Variants in ANKRD36 observed in about 807,000 individuals in gnomAD.
The protein encoded by ANKRD36 is ankyrin repeat domain-containing protein 36A.
A neutral mutation model predicts 278.1 loss-of-function variants in ANKRD36; 179 were observed. That is an observed-to-expected ratio of 0.64 (90% CI 0.57 to 0.73). The LOEUF (loss-of-function observed/expected upper bound fraction) is 0.73, where lower values mean the gene tolerates loss of function less well. Ranked by LOEUF, ANKRD36 falls within the 30% of genes least tolerant of loss-of-function variation. ANKRD36 has a pLI of 0.00. For missense variants in ANKRD36, 1,159 were observed against 1,956.7 expected (o/e 0.59, Z 7.69); for synonymous variants, 320 against 641.1 (o/e 0.50, Z 7.57).
In ANKRD36 at chr2:97,138,283, C is replaced by T. The variant is rs552889992; in HGVS notation, c.800-4357C>T. Among the ~76,000 whole-genome samples the T allele has an allele frequency of 4.5e-4, 68 of 152,192 alleles. 2 individuals are homozygous for T. In the South Asian group the frequency reaches 0.014, roughly 30 times the overall value. ...AAAGTCAATGTGCAAAATTCACAAGCATTCCTATACACCAGTAATAGAGCA... is the reference window on the plus strand; with the variant it reads ...AAAGTCAATGTGCAAAATTCACAAGTATTCCTATACACCAGTAATAGAGCA... On this transcript the variant is annotated intron_variant, in intron 6 of 75. Transcript: ENST00000420699.
At chr2:97,120,873 A>G (rs555095576) in intron 3 of ANKRD36, among the ~76,000 whole-genome samples, 1 of 152,216 alleles carries the variant, frequency 6.6e-6, no homozygotes, top group Non-Finnish European at 1.5e-5. Context: ...ACTCGTGCAC[A>G]GATCTGGATT....
chr2:97,232,152 ATTAT>A (rs1283432116), intron 67 of ANKRD36, among the ~76,000 whole-genome samples: 1 of 152,082 alleles, frequency 6.6e-6, no homozygotes, highest in Non-Finnish European at 1.5e-5. Context: ...TTAAACTTTA[ATTAT>A]TTTAAAATTT....
At chr2:97,232,225 C>G (rs1379289426) in intron 67 of ANKRD36, among the ~76,000 whole-genome samples, 9 of 151,350 alleles carry the variant, frequency 5.9e-5, no homozygotes, top group Non-Finnish European at 1.3e-4. Context: ...TGTACTCTGA[C>G]AGAAAAGACA....
intron 50 of ANKRD36, 104 bp from the exon 51 acceptor site, chr2:97,205,836 T>C: frequency 7.2e-7 from 1 of 1,398,020 alleles, no homozygotes; most frequent in Non-Finnish European, 9.8e-7. Flanking sequence ...AAGCCTATGC[T>C]AATACAGGCA....
intron 24 of ANKRD36, among the ~76,000 whole-genome samples, chr2:97,181,377 A>T (rs1318057878): frequency 2.0e-5 from 3 of 151,492 alleles, no homozygotes; most frequent in African/African-American, 7.3e-5. Context: ...ATCACGAATC[A>T]TACCATGTTT....
At chr2:97,161,608 A>G (rs1300392616) in intron 17 of ANKRD36, among the ~76,000 whole-genome samples, 1 of 152,194 alleles carries the variant, frequency 6.6e-6, no homozygotes, top group Non-Finnish European at 1.5e-5. Context: ...ATTCTAGCAT[A>G]ACACTTATTT....
chr2:97,222,533 G>T (rs1223561605), intron 66 of ANKRD36, among the ~76,000 whole-genome samples: 4 of 152,104 alleles, frequency 2.6e-5, no homozygotes, highest in Admixed American at 1.3e-4. Flanking sequence ...ACTGAGGTGA[G>T]ACGATACCTC....
In ANKRD36 at chr2:97,147,158, A is replaced by G. The variant is rs532582331; in HGVS notation, c.1034+642A>G. Among the ~76,000 whole-genome samples, 13 of 152,010 alleles carry G rather than the reference A, an allele frequency of 8.6e-5. 2 individuals carry two copies. In the South Asian group the frequency reaches 2.7e-3, roughly 32 times the overall value. The stretch of plus-strand genomic sequence containing the variant: ...CCATGTTATGACAACTATATTTAGC[A>G]TATATTAAAATGATATTTCTAATTC... On this transcript the variant is annotated intron_variant, in intron 11 of 75. Transcript: ENST00000420699.
At chr2:97,190,396 G>T (rs1343149031) in intron 34 of ANKRD36, among the ~76,000 whole-genome samples, 2 of 110,438 alleles carry the variant, frequency 1.8e-5, no homozygotes, top group African/African-American at 5.0e-5. Flanking sequence ...CAACACATGG[G>T]TGTGAGAGAT....
chr2:97,205,763 A>C (rs1248972107), intron 50 of ANKRD36, among the ~76,000 whole-genome samples, 177 bp from the exon 51 acceptor site: 4 of 151,486 alleles, frequency 2.6e-5, no homozygotes, highest in Non-Finnish European at 5.9e-5. Flanking sequence ...TGGAGCCTGT[A>C]TTCCCTTTTC....
chr2:97,198,301 C>A (rs185592760), intron 42 of ANKRD36, among the ~76,000 whole-genome samples, 162 bp from the exon 43 acceptor site: 7 of 151,882 alleles, frequency 4.6e-5, no homozygotes, highest in Non-Finnish European at 8.8e-5. Context: ...CTTTTCTCAG[C>A]GTATTTCTGT....
chr2:97,152,434 C>A (rs12993185), intron 13 of ANKRD36, 70 bp from the exon 14 acceptor site: 1 of 1,329,126 alleles, frequency 7.5e-7, no homozygotes, highest in African/African-American at 1.4e-5. Context: ...CCACTGTGCT[C>A]TTTTATGTTT....
Position 97,189,087 on chromosome 2 carries a change from T to C in ANKRD36, c.2144T>C (p.Val715Ala). 1 of 756,840 alleles carries C rather than the reference T, an allele frequency of 1.3e-6. No individual in the cohort carries two copies. The highest frequency in any genetic ancestry group is 1.3e-5 in the South Asian group (1 of 79,146). 46.9% of individuals were successfully genotyped at this position (756,840 alleles called of 1,614,324 possible). ...EIKDGEKSGT[V>A]SSQKQPALKA... ...ATTATGTATCCCTTTTGCTTTTCAG[T>C]GTCTTCTCAGAAGCAACCAGCCTTG... is the stretch of plus-strand genomic sequence containing the variant. The change falls in exon 33 of 76, where the codon GTG becomes GCG. Residue 715 changes from valine to alanine, a missense_variant and splice_region_variant. Transcript: ENST00000420699.
At chr2:97,226,109 G>A (rs2069488809) in intron 67 of ANKRD36, among the ~76,000 whole-genome samples, 1 of 151,674 alleles carries the variant, frequency 6.6e-6, no homozygotes, top group Non-Finnish European at 1.5e-5. Flanking sequence ...CTTTATAGCA[G>A]CATGATTTAT....
chr2:97,145,831 G>T (rs113747890), intron 10 of ANKRD36, among the ~76,000 whole-genome samples: 1 of 151,866 alleles, frequency 6.6e-6, no homozygotes, highest in Admixed American at 6.6e-5. Flanking sequence ...ATAATGAATA[G>T]CATATAATAG....
At chr2:97,193,345 C>T (rs1193578531) in intron 38 of ANKRD36, among the ~76,000 whole-genome samples, 2 of 136,130 alleles carry the variant, frequency 1.5e-5, no homozygotes, top group Non-Finnish European at 3.3e-5. Flanking sequence ...AATTCTCCAG[C>T]TTGTTTTCAG....
intron 6 of ANKRD36, among the ~76,000 whole-genome samples, chr2:97,128,668 G>A (rs2039263100): frequency 6.6e-6 from 1 of 151,884 alleles, no homozygotes; most frequent in Admixed American, 6.6e-5. Flanking sequence ...CTGAGTACAT[G>A]TGCCCACACT....
At position 97,185,341 on chromosome 2, in the gene ANKRD36, A is replaced by C. The variant is rs974036808; in HGVS notation, c.1965A>C (p.Ser655=). 6.2e-7 allele frequency: 1 copy of C among 1,609,370 alleles called. No homozygotes were observed. The highest frequency in any genetic ancestry group is 8.5e-7 in the Non-Finnish European group (1 of 1,176,822). The change falls in exon 29 of 76, where the codon TCA becomes TCC. Residue 655 remains serine (S), a synonymous_variant. Coordinates refer to ENST00000420699, the MANE Select transcript of ANKRD36 (RefSeq NM_001354587.1). ...TGTCTTCTCAGAAACAACCAGCCTCAAAGGTAATTAAACTCTCATTTATAT... is the reference window on the plus strand; with the variant it reads ...TGTCTTCTCAGAAACAACCAGCCTCCAAGGTAATTAAACTCTCATTTATAT... The part of the protein sequence containing the change: ...GTVSSQKQPA[S]KATSDKTDSA...
At chr2:97,228,375 G>T (rs1193799888) in intron 67 of ANKRD36, among the ~76,000 whole-genome samples, 3 of 152,212 alleles carry the variant, frequency 2.0e-5, no homozygotes, top group African/African-American at 2.4e-5. Context: ...GAGTGTGTAT[G>T]TGTCCAGGAA....
Sources: gnomAD v4.1 joint callset for allele counts (sites outside exome capture counted in the v4.1 genomes callset) on GRCh38, gnomAD v4.1.1 for gene constraint, MANE v1.5 for transcripts, NCBI Gene and HGNC (gene_info 2026-07-23, HGNC 2026-07-21) for gene names.